Variants in PPARGC1A observed in about 807,000 individuals in gnomAD.
PPARGC1A encodes PPARG coactivator 1 alpha.
Under a neutral mutation model 88.7 loss-of-function variants are expected in PPARGC1A, and 25 were observed. The observed-to-expected ratio is 0.28, with a 90% CI of 0.21 to 0.39. PPARGC1A has a LOEUF of 0.39. PPARGC1A is among the 10% of genes least tolerant of loss of function. The probability of loss-of-function intolerance (pLI) is 1.00; values close to 1 mark genes in which losing one functional copy is unlikely to be tolerated. For synonymous variants in PPARGC1A, 363 were observed against 355.6 expected (o/e 1.02, Z -0.24); for missense variants, 880 against 968.7 (o/e 0.91, Z 1.22).
intron 7 of PPARGC1A, among the ~76,000 whole-genome samples, chr4:23,819,650 A>T (rs1189116033): frequency 6.6e-6 from 1 of 152,278 alleles, no homozygotes; most frequent in African/African-American, 2.4e-5. Flanking sequence ...GAGAAGAAAA[A>T]TTAGGAATAA....
At chr4:24,309,542 T>A in the PPARGC1A span, among the ~76,000 whole-genome samples, 1 of 152,178 alleles carries the variant, frequency 6.6e-6, no homozygotes, top group Non-Finnish European at 1.5e-5. Context: ...TCTATCTAGA[T>A]CACTGAAAGG....
At chr4:24,095,921 C>T in the PPARGC1A span, among the ~76,000 whole-genome samples, 1 of 152,152 alleles carries the variant, frequency 6.6e-6, no homozygotes, top group Non-Finnish European at 1.5e-5. Flanking sequence ...CTCTTAAAGG[C>T]CTCACCTCTT....
the PPARGC1A span, among the ~76,000 whole-genome samples, chr4:24,396,548 A>G: frequency 1.3e-5 from 2 of 152,296 alleles, no homozygotes; most frequent in African/African-American, 4.8e-5. Flanking sequence ...CTGTCTGTGA[A>G]GCATCCTCTA....
At chr4:24,333,458 A>G in the PPARGC1A span, among the ~76,000 whole-genome samples, 1 of 152,252 alleles carries the variant, frequency 6.6e-6, no homozygotes, top group Non-Finnish European at 1.5e-5. Flanking sequence ...TAATCATTTT[A>G]TAATTCTTCA....
the PPARGC1A span, among the ~76,000 whole-genome samples, chr4:24,274,039 G>C: frequency 6.6e-6 from 1 of 151,760 alleles, no homozygotes; most frequent in African/African-American, 2.4e-5. Context: ...GTGCCTGGCC[G>C]GGGCACTTTT....
At chr4:24,338,352 G>GT in the PPARGC1A span, among the ~76,000 whole-genome samples, 330 of 152,204 alleles carry the variant, frequency 2.2e-3, 1 homozygote, top group Admixed American at 3.8e-3. Flanking sequence ...TTTTAATGAT[G>GT]TTTTTTAATC....
At chr4:24,409,374 A>G in the PPARGC1A span, among the ~76,000 whole-genome samples, 1 of 152,230 alleles carries the variant, frequency 6.6e-6, no homozygotes, top group Non-Finnish European at 1.5e-5. Context: ...GCCTTCTCCT[A>G]GCTGAGATTC....
At chr4:24,116,054 C>T in the PPARGC1A span, among the ~76,000 whole-genome samples, 1 of 152,146 alleles carries the variant, frequency 6.6e-6, no homozygotes, top group South Asian at 2.1e-4. Context: ...TATGCAGCCA[C>T]CTAAGCAAAT....
chr4:24,193,515 G>A, the PPARGC1A span, among the ~76,000 whole-genome samples: 3 of 152,108 alleles, frequency 2.0e-5, no homozygotes, highest in South Asian at 6.2e-4. Flanking sequence ...CTAATTGCAA[G>A]CTACCCAAGG....
At chr4:24,340,715 CTA>C in the PPARGC1A span, among the ~76,000 whole-genome samples, 1 of 152,126 alleles carries the variant, frequency 6.6e-6, no homozygotes, top group South Asian at 2.1e-4. Flanking sequence ...AAACTGGAAA[CTA>C]ACACTTTTCA....
At chr4:24,147,376 G>C in the PPARGC1A span, among the ~76,000 whole-genome samples, 1 of 152,210 alleles carries the variant, frequency 6.6e-6, no homozygotes, top group Non-Finnish European at 1.5e-5. Flanking sequence ...GCCAAGCTTA[G>C]CATCAGCCCT....
the PPARGC1A span, among the ~76,000 whole-genome samples, chr4:24,427,190 T>C: frequency 6.6e-6 from 1 of 152,224 alleles, no homozygotes; most frequent in Non-Finnish European, 1.5e-5. Context: ...TTCACTTGTA[T>C]TTCTTTTCTG....
chr4:23,933,961 T>C, the PPARGC1A span, among the ~76,000 whole-genome samples: 3,538 of 152,270 alleles, frequency 0.023, 136 homozygotes, highest in African/African-American at 0.08. Context: ...AACTGTCCAC[T>C]GGGGAAAGGT....
the PPARGC1A span, among the ~76,000 whole-genome samples, chr4:24,022,575 G>A: frequency 6.6e-6 from 1 of 152,162 alleles, no homozygotes; most frequent in Admixed American, 6.6e-5. Flanking sequence ...TGTGATGGTG[G>A]TAATGGTGAG....
chr4:23,912,852 G>T, the PPARGC1A span, among the ~76,000 whole-genome samples: 74 of 151,118 alleles, frequency 4.9e-4, no homozygotes, highest in Non-Finnish European at 9.4e-4. Context: ...GCAGTGGCGG[G>T]ATCTCTGCTC....
chr4:24,150,087 G>A, the PPARGC1A span, among the ~76,000 whole-genome samples: 1 of 152,122 alleles, frequency 6.6e-6, no homozygotes, highest in Non-Finnish European at 1.5e-5. Context: ...ATTGTACATT[G>A]AGATCTTTAA....
intron 2 of PPARGC1A, among the ~76,000 whole-genome samples, chr4:23,869,107 TA>T (rs1228971004): frequency 1.3e-5 from 2 of 152,146 alleles, no homozygotes; most frequent in Non-Finnish European, 2.9e-5. Flanking sequence ...CTGGCACCAT[TA>T]ATCTAGTCAC....
At chr4:24,057,330 TG>T in the PPARGC1A span, among the ~76,000 whole-genome samples, 2 of 152,112 alleles carry the variant, frequency 1.3e-5, no homozygotes, top group Non-Finnish European at 2.9e-5. Flanking sequence ...TTTTATTTAA[TG>T]GGTATAGAGT....
At chr4:23,830,842 TC>T (rs1406168327) in intron 3 of PPARGC1A, among the ~76,000 whole-genome samples, 1 of 152,190 alleles carries the variant, frequency 6.6e-6, no homozygotes, top group African/African-American at 2.4e-5. Context: ...TCTCTTCATT[TC>T]CAACAAATTC....
Sources: allele counts gnomAD v4.1 joint callset (sites outside exome capture counted in the v4.1 genomes callset), GRCh38; gene constraint gnomAD v4.1.1; transcripts MANE v1.5; gene names NCBI Gene and HGNC (gene_info 2026-07-23, HGNC 2026-07-21).